PACRG: variants seen among roughly 807,000 people sequenced by gnomAD.
PACRG encodes parkin coregulated, also known as parkin coregulated gene protein.
In PACRG, 29 loss-of-function variants were observed where a neutral mutation model predicts 29.7. That is an observed-to-expected ratio of 0.98 (90% CI 0.73 to 1.33). The LOEUF is 1.33. Ranked by LOEUF, PACRG falls within the 40% of genes most tolerant of loss-of-function variation. The pLI, the probability that PACRG is intolerant of heterozygous loss-of-function variation, is 0.00. For synonymous variants in PACRG, 116 were observed against 118.7 expected (o/e 0.98, Z 0.15); for missense variants, 279 against 316.2 (o/e 0.88, Z 0.89).
chr6:163,069,058 A>G (rs1006341227), intron 3 of PACRG, among the ~76,000 whole-genome samples: 2 of 152,116 alleles, frequency 1.3e-5, no homozygotes, highest in African/African-American at 2.4e-5. Flanking sequence ...CAATTGACCA[A>G]CAAGGCAGTA....
At chr6:163,232,186 C>T (rs1408105509) in intron 4 of PACRG, among the ~76,000 whole-genome samples, 1 of 152,164 alleles carries the variant, frequency 6.6e-6, no homozygotes, top group Non-Finnish European at 1.5e-5. Context: ...CAGTGATGTT[C>T]ATTCCAGGAA....
At chr6:162,760,458 T>A (rs928083371) in intron 1 of PACRG, among the ~76,000 whole-genome samples, 1 of 152,044 alleles carries the variant, frequency 6.6e-6, no homozygotes, top group Non-Finnish European at 1.5e-5. Context: ...AGGATCCTTG[T>A]GAGAGAAGGG....
At chr6:162,985,343 A>T (rs1802796653) in intron 2 of PACRG, among the ~76,000 whole-genome samples, 1 of 152,116 alleles carries the variant, frequency 6.6e-6, no homozygotes, top group South Asian at 2.1e-4. Flanking sequence ...AGCATATGAA[A>T]AAGATAATCC....
At chr6:162,959,591 G>C (rs530572146) in intron 2 of PACRG, among the ~76,000 whole-genome samples, 1 of 152,294 alleles carries the variant, frequency 6.6e-6, no homozygotes, top group Admixed American at 6.5e-5. Flanking sequence ...AGGCGAGGCA[G>C]TCTAGGGTTT....
intron 2 of PACRG, among the ~76,000 whole-genome samples, chr6:162,847,360 A>C (rs1168639294): frequency 1.3e-5 from 2 of 152,116 alleles, no homozygotes; most frequent in African/African-American, 4.8e-5. Context: ...TATTCCTTGC[A>C]TGTGACCTCT....
chr6:163,072,542 C>G (rs1472819539), intron 3 of PACRG, among the ~76,000 whole-genome samples: 4 of 152,074 alleles, frequency 2.6e-5, no homozygotes, highest in Admixed American at 6.6e-5. Context: ...CTCCTAAAAT[C>G]AGGAACACGA....
At chr6:163,267,224 T>G (rs1783563400) in intron 4 of PACRG, among the ~76,000 whole-genome samples, 2 of 152,252 alleles carry the variant, frequency 1.3e-5, no homozygotes, top group African/African-American at 2.4e-5. Context: ...CCCTGCATTC[T>G]TCCATGAGCT....
At chr6:163,157,423 A>G (rs1240483162) in intron 4 of PACRG, among the ~76,000 whole-genome samples, 3 of 152,034 alleles carry the variant, frequency 2.0e-5, no homozygotes, top group Admixed American at 2.0e-4. Context: ...CCCTACAACC[A>G]CATCTCTCAT....
At chr6:162,758,434 A>G (rs985251773) in intron 1 of PACRG, among the ~76,000 whole-genome samples, 40 of 152,124 alleles carry the variant, frequency 2.6e-4, no homozygotes, top group African/African-American at 9.6e-4. Flanking sequence ...TGTGTATAGG[A>G]TTTACAAATC....
intron 2 of PACRG, among the ~76,000 whole-genome samples, chr6:162,893,898 G>C (rs1181890424): frequency 6.6e-6 from 1 of 152,194 alleles, no homozygotes; most frequent in Non-Finnish European, 1.5e-5. Context: ...AGTTGTCAGG[G>C]ATGGTAGCAT....
intron 2 of PACRG, among the ~76,000 whole-genome samples, chr6:162,824,108 G>C (rs1463921577): frequency 6.6e-6 from 1 of 152,076 alleles, no homozygotes; most frequent in Non-Finnish European, 1.5e-5. Flanking sequence ...CTGCTTTCTA[G>C]GACAGAATGC....
chr6:163,109,156 G>A (rs984428770), intron 4 of PACRG, among the ~76,000 whole-genome samples: 1 of 152,204 alleles, frequency 6.6e-6, no homozygotes, highest in Non-Finnish European at 1.5e-5. Flanking sequence ...AAGAAAACTT[G>A]TGATTGAAAG....
chr6:162,795,660 T>A (rs1514340), intron 1 of PACRG, among the ~76,000 whole-genome samples: 1 of 151,956 alleles, frequency 6.6e-6, no homozygotes, highest in Non-Finnish European at 1.5e-5. Context: ...GATAGTATTA[T>A]GTTTATAAAT....
chr6:163,162,410 C>T (rs2128342494), intron 4 of PACRG, among the ~76,000 whole-genome samples: 1 of 152,366 alleles, frequency 6.6e-6, no homozygotes, highest in East Asian at 1.9e-4. Context: ...ACTTGTTGTG[C>T]AATAACCCCA....
At chr6:162,962,681 T>C (rs1238102499) in intron 2 of PACRG, among the ~76,000 whole-genome samples, 1 of 152,228 alleles carries the variant, frequency 6.6e-6, no homozygotes, top group Non-Finnish European at 1.5e-5. Flanking sequence ...GCCAGCATCT[T>C]GATCTTGGAC....
chr6:163,059,753 C>T (rs1220343868), intron 2 of PACRG, among the ~76,000 whole-genome samples: 1 of 152,206 alleles, frequency 6.6e-6, no homozygotes, highest in African/African-American at 2.4e-5. Flanking sequence ...ATAATGCCTA[C>T]TTCTTCCAGT....
chr6:162,866,909 A>T (rs570608583), intron 2 of PACRG, among the ~76,000 whole-genome samples: 1 of 152,336 alleles, frequency 6.6e-6, no homozygotes, highest in East Asian at 1.9e-4. Flanking sequence ...GCATCAGGAA[A>T]GCCAAACATT....
chr6:162,929,323 T>G (rs1797678178), intron 2 of PACRG, among the ~76,000 whole-genome samples: 2 of 152,042 alleles, frequency 1.3e-5, no homozygotes, highest in African/African-American at 4.8e-5. Flanking sequence ...GTAAGATGTT[T>G]CATTGTGGTT....
chr6:163,079,030 A>G lies in PACRG; in HGVS notation c.464-10229A>G, dbSNP rs59749643. ...AGTGCAGACCGGATCCCAGCTTGCT[A>G]CTAACTAGCTGTGTGATCTCAGGCC... On this transcript the variant is annotated intron_variant, in intron 3 of 4. Transcript: ENST00000366888. Among the ~76,000 whole-genome samples the G allele has an allele frequency of 1.6e-3, 243 of 152,260 alleles. 4 individuals are homozygous for G. The East Asian group carries it at 0.016, about 10-fold the overall frequency.
Sources: allele counts gnomAD v4.1 joint callset (sites outside exome capture counted in the v4.1 genomes callset), GRCh38; gene constraint gnomAD v4.1.1; transcripts MANE v1.5; gene names NCBI Gene and HGNC (gene_info 2026-07-23, HGNC 2026-07-21).